TXNDC11: variants seen among roughly 807,000 people sequenced by gnomAD.
The protein encoded by TXNDC11 is thioredoxin domain-containing protein 11.
In TXNDC11, 68 loss-of-function variants were observed where a neutral mutation model predicts 78.0. The ratio of observed to expected loss-of-function variants is 0.87; its 90% CI spans 0.72 to 1.07. The LOEUF is 1.07. Ranked by LOEUF, TXNDC11 falls within the 50% of genes least tolerant of loss-of-function variation. The pLI is 0.00. For synonymous variants in TXNDC11, 571 were observed against 495.2 expected, an observed-to-expected ratio of 1.15 and a Z score of -2.03; for missense variants, 1,389 against 1,221.8, an observed-to-expected ratio of 1.14 and a Z score of -2.04.
chr16:11,690,324 T>C (rs190436357), intron 8 of TXNDC11, among the ~76,000 whole-genome samples: 3 of 152,348 alleles, frequency 2.0e-5, no homozygotes, highest in Admixed American at 2.0e-4. Context: ...CTCTGGGTGC[T>C]TTCTCATCAT....
chr16:11,729,515 G>C (rs1257487952), intron 4 of TXNDC11, among the ~76,000 whole-genome samples: 2 of 152,188 alleles, frequency 1.3e-5, no homozygotes, highest in Admixed American at 6.5e-5. Flanking sequence ...GTGAAAAAAT[G>C]TGTATCCAAT....
intron 11 of TXNDC11, among the ~76,000 whole-genome samples, chr16:11,682,704 T>C (rs1184041626): frequency 6.6e-6 from 1 of 152,206 alleles, no homozygotes; most frequent in Admixed American, 6.5e-5. Flanking sequence ...AGTGTTAGTG[T>C]TACTGTCCGT....
At chr16:11,724,543 C>T (rs1195494716) in intron 4 of TXNDC11, among the ~76,000 whole-genome samples, 2 of 152,116 alleles carry the variant, frequency 1.3e-5, no homozygotes, top group Admixed American at 1.3e-4. Context: ...ATGGGAGGAT[C>T]ACCTGACCTC....
chr16:11,728,311 A>T (rs1467983909), intron 4 of TXNDC11, among the ~76,000 whole-genome samples: 1 of 152,178 alleles, frequency 6.6e-6, no homozygotes, highest in African/African-American at 2.4e-5. Context: ...TTGACTAGTG[A>T]GTTGTTTCAC....
chr16:11,701,085 T>A (rs964491772), intron 5 of TXNDC11, among the ~76,000 whole-genome samples: 1 of 151,312 alleles, frequency 6.6e-6, no homozygotes, highest in Admixed American at 6.6e-5. Flanking sequence ...AACATTTGCA[T>A]AATCTCATTC....
At chr16:11,703,192 G>A (rs774360544) in intron 5 of TXNDC11, among the ~76,000 whole-genome samples, 5 of 152,168 alleles carry the variant, frequency 3.3e-5, no homozygotes, top group Non-Finnish European at 7.4e-5. Flanking sequence ...TAACACCATG[G>A]TGAATGGGAC....
At chr16:11,695,966 C>T (rs1484627115) in intron 7 of TXNDC11, among the ~76,000 whole-genome samples, 3 of 150,858 alleles carry the variant, frequency 2.0e-5, no homozygotes, top group Non-Finnish European at 4.4e-5. Context: ...GCTCAGGAGG[C>T]AGTGAGCCGA....
chr16:11,679,828 T>TA lies in TXNDC11; in HGVS notation c.2243dup (p.Ser749LysfsTer34). 1 of 1,610,462 alleles carries TA rather than the reference T, an allele frequency of 6.2e-7. No individual in the cohort carries two copies. Among genetic ancestry groups the TA allele is most frequent in the East Asian group, 2.2e-5 (1 of 44,766 alleles). Reference sequence around the variant, plus strand: ...GGACGTCTTCGGGGTATTTCACACTTAGGTCCTTTCTGGAGAGAGAGGGAA... The same window carrying TA: ...GGACGTCTTCGGGGTATTTCACACTTAAGGTCCTTTCTGGAGAGAGAGGGAA... On this transcript the variant is annotated frameshift_variant, in exon 12 of 12. Coordinates refer to ENST00000283033, the MANE Select transcript of TXNDC11 (RefSeq NM_015914.7). LOFTEE classifies it low-confidence loss of function (END_TRUNC). This position sits in a 1 kb window ranked among gnomAD's most constrained non-coding sequence, Gnocchi z 4.6.
At chr16:11,717,933 C>T (rs11644248) in intron 5 of TXNDC11, among the ~76,000 whole-genome samples, 46,245 of 151,018 alleles carry the variant, frequency 0.31, 8,857 homozygotes, top group Non-Finnish European at 0.43. Flanking sequence ...GCACTGAGGC[C>T]GAGCCCTGGA....
At chr16:11,700,353 A>G in intron 6 of TXNDC11, 99 bp downstream of exon 6, 1 of 562,450 alleles carries the variant, frequency 1.8e-6, no homozygotes, top group South Asian at 2.9e-5. Flanking sequence ...GCTTTTCTAG[A>G]GAGTGTCCAT....
chr16:11,684,353 C>A (rs896361163), intron 10 of TXNDC11, 108 bp from the exon 11 acceptor site: 4 of 748,300 alleles, frequency 5.3e-6, no homozygotes, highest in African/African-American at 3.5e-5. Context: ...TTACACCCCA[C>A]ATTGGGCTAG....
At chr16:11,729,818 C>T (rs778121234) in intron 4 of TXNDC11, among the ~76,000 whole-genome samples, 18 of 152,166 alleles carry the variant, frequency 1.2e-4, no homozygotes, top group Admixed American at 2.0e-4. Context: ...CAGGGCTGGG[C>T]GTGGCGTCCC....
Position 11,702,077 on chromosome 16 carries a change from T to C in TXNDC11, c.794-1513A>G, listed in dbSNP as rs535199419. Among the ~76,000 whole-genome samples, 22 of 144,398 alleles carry C rather than the reference T, an allele frequency of 1.5e-4. No individual in the cohort carries two copies. The East Asian group carries it at 3.7e-3, about 24-fold the overall frequency. The allele number at this position is 144,398 out of a possible 152,430, so 94.7% of individuals were successfully genotyped here. On this transcript the variant is annotated intron_variant, in intron 5 of 11. Transcript: ENST00000283033. ...AGTTATGTGTGTGTATGTGTGTGTG[T>C]GTATGTATGTATGTGTATATATATA... is the stretch of plus-strand genomic sequence containing the variant.
intron 5 of TXNDC11, among the ~76,000 whole-genome samples, chr16:11,703,329 G>C (rs142495363): frequency 3.3e-5 from 5 of 152,246 alleles, no homozygotes; most frequent in African/African-American, 1.2e-4. Flanking sequence ...AGAGGTATAA[G>C]TTAGCAATTC....
rs1308987000 is a variant in TXNDC11 at position 11,691,689 on chromosome 16, G to C, written c.1501C>G (p.Pro501Ala). The change falls in exon 8 of 12, where the codon CCC (proline) becomes GCC (alanine). Residue 501 changes from proline to alanine, a missense_variant. Transcript: ENST00000283033. ...CAACATGCAGTGTAGTAGCTGAAGG[G>C]GCTATAGGAAGTTAAAAAATTGCTG... ...ECSNFLTSYS[P>A]FSYYTACCRT... is the part of the protein sequence containing the mutation. The C allele has an allele frequency of 6.2e-7, 1 of 1,614,036 alleles. No individual in the cohort carries two copies.
rs148827742 is a variant in TXNDC11 at position 11,703,148 on chromosome 16, G to A, written c.794-2584C>T. ...TGTGGCAAACCCAACGTGGAATACA[G>A]CACGTACAAATAACCCTAACTATTG... is the stretch of plus-strand genomic sequence containing the variant. On this transcript the variant is annotated intron_variant, in intron 5 of 11. Coordinates refer to ENST00000283033, the MANE Select transcript of TXNDC11 (RefSeq NM_015914.7). Among the ~76,000 whole-genome samples, 11 of 152,240 alleles carry A rather than the reference G, an allele frequency of 7.2e-5. No individual in the cohort carries two copies. The East Asian group carries it at 2.1e-3, about 29-fold the overall frequency.
At chr16:11,689,560 A>G (rs1290939517) in intron 8 of TXNDC11, among the ~76,000 whole-genome samples, 1 of 152,242 alleles carries the variant, frequency 6.6e-6, no homozygotes. Flanking sequence ...TTCTGTCACT[A>G]ACTGCAGGAC....
chr16:11,719,521 T>C (rs566295988), intron 5 of TXNDC11, among the ~76,000 whole-genome samples: 3 of 152,194 alleles, frequency 2.0e-5, no homozygotes, highest in Non-Finnish European at 2.9e-5. Context: ...TATATTAAAA[T>C]TGCCAGTCAT....
At chr16:11,737,466 AGT>A (rs1491345327) in intron 1 of TXNDC11, among the ~76,000 whole-genome samples, 2 of 151,910 alleles carry the variant, frequency 1.3e-5, no homozygotes, top group Non-Finnish European at 2.9e-5. Flanking sequence ...AAAGAAAGAA[AGT>A]AAGTAAAGGA....
Sources: gnomAD v4.1 joint callset for allele counts (sites outside exome capture counted in the v4.1 genomes callset) on GRCh38, gnomAD v4.1.1 for gene constraint, Gnocchi (gnomAD v3.1) non-coding constraint, MANE v1.5 for transcripts, NCBI Gene and HGNC (gene_info 2026-07-23, HGNC 2026-07-21) for gene names.